Variants in EPHA6 observed in about 807,000 individuals in gnomAD.
The protein encoded by EPHA6 is ephrin type-A receptor 6.
EPHA6 carries 50 observed loss-of-function variants against 112.0 expected under a neutral mutation model. That is an observed-to-expected ratio of 0.45 (90% CI 0.36 to 0.56). The LOEUF (loss-of-function observed/expected upper bound fraction) is 0.56, where lower values mean the gene tolerates loss of function less well. Among genes scored for constraint, EPHA6 ranks in the 20% least tolerant of loss-of-function variants. The pLI is 0.00. For missense variants in EPHA6, 1,280 were observed against 1,417.4 expected, an observed-to-expected ratio of 0.90 and a Z score of 1.56; for synonymous variants, 529 against 490.7, an observed-to-expected ratio of 1.08 and a Z score of -1.03.
intron 1 of EPHA6, among the ~76,000 whole-genome samples, chr3:96,817,845 G>T (rs960192968): frequency 6.6e-6 from 1 of 151,686 alleles, no homozygotes; most frequent in Non-Finnish European, 1.5e-5. Flanking sequence ...TTCTTTTAAC[G>T]TGGTGCAAAC....
At chr3:96,867,441 A>C (rs1380998157) in intron 2 of EPHA6, among the ~76,000 whole-genome samples, 1 of 151,798 alleles carries the variant, frequency 6.6e-6, no homozygotes, top group Non-Finnish European at 1.5e-5. Flanking sequence ...TTTTTCATGG[A>C]CCAACATTTT....
Position 96,828,864 on chromosome 3 carries a change from A to G in EPHA6, c.385+13856A>G, listed in dbSNP as rs1235908830. ...ACTACACATCCTCTTGATTTTTAGC[A>G]ACCAGATAATTAATTTTATCACATG... On this transcript the variant is annotated intron_variant, in intron 1 of 17. Coordinates refer to ENST00000389672, the MANE Select transcript of EPHA6 (RefSeq NM_001080448.3). Among the ~76,000 whole-genome samples, 2 of 152,156 alleles carry G rather than the reference A, an allele frequency of 1.3e-5. 1 individual carries two copies. Among genetic ancestry groups the G allele is most frequent in the Admixed American group, 1.3e-4 (2 of 15,252 alleles).
At chr3:97,518,135 G>C (rs1299885653) in intron 10 of EPHA6, among the ~76,000 whole-genome samples, 1 of 152,104 alleles carries the variant, frequency 6.6e-6, no homozygotes, top group Non-Finnish European at 1.5e-5. Context: ...GGATCATATA[G>C]TAATTCTATT....
intron 3 of EPHA6, among the ~76,000 whole-genome samples, chr3:97,145,737 T>C (rs915769682): frequency 6.6e-6 from 1 of 151,746 alleles, no homozygotes; most frequent in African/African-American, 2.4e-5. Flanking sequence ...TATTTTTAAA[T>C]ATGAAGTTTT....
intron 4 of EPHA6, among the ~76,000 whole-genome samples, chr3:97,241,569 GAATT>G (rs2078846895): frequency 6.6e-6 from 1 of 151,802 alleles, no homozygotes; most frequent in South Asian, 2.1e-4. Context: ...CTGAGGATTA[GAATT>G]AATTGTCTCT....
At chr3:97,484,132 C>T in intron 10 of EPHA6, 73 bp downstream of exon 10, 1 of 1,385,944 alleles carries the variant, frequency 7.2e-7, no homozygotes, top group East Asian at 2.6e-5. Flanking sequence ...AACATACTAT[C>T]TTAAATCTTG....
At chr3:97,379,733 G>T (rs1302977881) in intron 5 of EPHA6, among the ~76,000 whole-genome samples, 4 of 133,238 alleles carry the variant, frequency 3.0e-5, no homozygotes, top group Non-Finnish European at 4.6e-5. Context: ...TGGGCAAGAG[G>T]GTGAGACTCT....
At chr3:97,580,709 G>A (rs1364508185) in intron 11 of EPHA6, among the ~76,000 whole-genome samples, 1 of 152,206 alleles carries the variant, frequency 6.6e-6, no homozygotes, top group Non-Finnish European at 1.5e-5. Context: ...GCTTCTTTGA[G>A]TCTGTTTCCG....
chr3:97,298,400 A>G (rs1003509070), intron 5 of EPHA6, among the ~76,000 whole-genome samples: 1 of 152,228 alleles, frequency 6.6e-6, no homozygotes, highest in Non-Finnish European at 1.5e-5. Context: ...TACTAGGCCA[A>G]AGGAATCATA....
chr3:97,462,525 T>G (rs959137911), intron 7 of EPHA6, among the ~76,000 whole-genome samples: 3 of 152,158 alleles, frequency 2.0e-5, no homozygotes, highest in African/African-American at 7.2e-5. Context: ...CACTACAAAT[T>G]TTTTAAAATT....
intron 5 of EPHA6, among the ~76,000 whole-genome samples, chr3:97,363,202 ATATATATATATATATATATATATATATAT>A (rs2084484351): frequency 1.3e-5 from 1 of 79,984 alleles, no homozygotes; most frequent in African/African-American, 9.2e-5. Context: ...ATATATATAT[ATATATATATATATATATATATATATATAT>A]ATATATAAAT....
At chr3:97,133,345 A>C (rs1055867026) in intron 3 of EPHA6, among the ~76,000 whole-genome samples, 2 of 152,094 alleles carry the variant, frequency 1.3e-5, no homozygotes, top group African/African-American at 4.8e-5. Context: ...ATTAAAAACC[A>C]TTGAAATTGA....
At chr3:97,480,202 ATTTTTCTTT>A (rs940542042) in intron 9 of EPHA6, among the ~76,000 whole-genome samples, 4 of 149,910 alleles carry the variant, frequency 2.7e-5, no homozygotes, top group African/African-American at 9.8e-5. Flanking sequence ...TATAATTAGA[ATTTTTCTTT>A]TTTTTCTTTC....
intron 10 of EPHA6, among the ~76,000 whole-genome samples, chr3:97,514,872 A>G (rs568449184): frequency 4.6e-5 from 7 of 152,208 alleles, no homozygotes; most frequent in Non-Finnish European, 1.0e-4. Flanking sequence ...CGAACTGGCC[A>G]GCACCTCCAT....
At chr3:97,633,752 A>G (rs559096672) in intron 13 of EPHA6, among the ~76,000 whole-genome samples, 17 of 152,236 alleles carry the variant, frequency 1.1e-4, no homozygotes, top group Middle Eastern at 3.4e-3. Context: ...ATATTCAAGG[A>G]AACCAATATG....
rs79112998 is a variant in EPHA6, at chr3:97,380,357, T to G, written c.1607-24793T>G. Reference sequence around the variant, plus strand: ...AAAAGATGTTCCCTGGACATAGACTTCTTTACCTTCTGGAAGTCACTGACC... The same window carrying G: ...AAAAGATGTTCCCTGGACATAGACTGCTTTACCTTCTGGAAGTCACTGACC... On this transcript the variant is annotated intron_variant, in intron 5 of 17. Coordinates refer to ENST00000389672, the MANE Select transcript of EPHA6 (RefSeq NM_001080448.3). Among the ~76,000 whole-genome samples the G allele has an allele frequency of 9.8e-3, 1,489 of 152,282 alleles. 15 individuals are homozygous for G. The highest frequency in any genetic ancestry group is 0.034 in the African/African-American group (1,431 of 41,550).
intron 6 of EPHA6, among the ~76,000 whole-genome samples, chr3:97,437,181 A>T (rs1577406551): frequency 1.3e-5 from 2 of 152,244 alleles, no homozygotes; most frequent in East Asian, 3.9e-4. Flanking sequence ...ATACAACATG[A>T]TGTTATGGAA....
intron 3 of EPHA6, among the ~76,000 whole-genome samples, chr3:97,140,221 C>A (rs981142220): frequency 1.3e-5 from 2 of 151,692 alleles, no homozygotes; most frequent in Non-Finnish European, 1.5e-5. Context: ...AGCAACTAAA[C>A]CTATGAATAA....
intron 3 of EPHA6, among the ~76,000 whole-genome samples, chr3:97,090,143 A>G (rs1488329104): frequency 6.6e-6 from 1 of 152,094 alleles, no homozygotes. Flanking sequence ...GCTAGAAAAC[A>G]GAATAGAAAA....
Sources: allele counts gnomAD v4.1 joint callset (sites outside exome capture counted in the v4.1 genomes callset), GRCh38; gene constraint gnomAD v4.1.1; transcripts MANE v1.5; gene names NCBI Gene and HGNC (gene_info 2026-07-23, HGNC 2026-07-21).